TMBIM6: variants seen among roughly 807,000 people sequenced by gnomAD.
The protein encoded by TMBIM6 is transmembrane BAX inhibitor motif containing 6.
In TMBIM6, 13 loss-of-function variants were observed where a neutral mutation model predicts 31.4. The observed-to-expected ratio is 0.41, with a 90% CI of 0.27 to 0.66. The LOEUF (loss-of-function observed/expected upper bound fraction) is 0.66, where lower values mean the gene tolerates loss of function less well. TMBIM6 is among the 30% of genes least tolerant of loss of function. The pLI is 0.28. For missense variants in TMBIM6, 275 were observed against 289.5 expected (o/e 0.95, Z 0.36); for synonymous variants, 85 against 101.7 (o/e 0.84, Z 0.99).
At chr12:49,758,090 G>T in intron 4 of TMBIM6, 137 bp from the exon 5 acceptor site, 1 of 900,402 alleles carries the variant, frequency 1.1e-6, no homozygotes, top group South Asian at 1.5e-5. Flanking sequence ...AATTACAGCG[G>T]AGGGGAGAGA....
At chr12:49,762,465 A>G (rs1204224300) in intron 9 of TMBIM6, among the ~76,000 whole-genome samples, 2 of 152,242 alleles carry the variant, frequency 1.3e-5, no homozygotes, top group African/African-American at 4.8e-5. Context: ...TGCCAGAGTC[A>G]TGCTCACTTT....
At chr12:49,762,071 T>G (rs1945730377) in intron 9 of TMBIM6, 1 of 351,352 alleles carries the variant, frequency 2.8e-6, no homozygotes, top group Non-Finnish European at 5.2e-6. Flanking sequence ...TAGTTGTGAC[T>G]CAGAGAAAGG....
intron 8 of TMBIM6, among the ~76,000 whole-genome samples, chr12:49,761,039 A>G (rs1229811180): frequency 1.3e-5 from 2 of 151,148 alleles, no homozygotes; most frequent in African/African-American, 2.4e-5. Flanking sequence ...GGGTTTCTCC[A>G]TGTTGGTCAG....
chr12:49,754,739 C>G (rs956593254), intron 3 of TMBIM6, among the ~76,000 whole-genome samples: 1 of 152,198 alleles, frequency 6.6e-6, no homozygotes, highest in Non-Finnish European at 1.5e-5. Context: ...GTTTTTCCCA[C>G]TTGGCGTTTT....
intron 1 of TMBIM6, among the ~76,000 whole-genome samples, chr12:49,745,009 G>A (rs1945363720): frequency 6.7e-6 from 1 of 148,476 alleles, no homozygotes; most frequent in African/African-American, 2.6e-5. Flanking sequence ...TGGTTTTGAG[G>A]CAGCCCCCTG....
In TMBIM6 at chr12:49,759,334, A is replaced by G. The variant is rs759380430; in HGVS notation, c.614+13A>G. The G allele has an allele frequency of 2.5e-6, 4 of 1,603,052 alleles. No homozygotes were observed. The highest frequency in any genetic ancestry group is 2.2e-5 in the East Asian group (1 of 44,824). ...AAGATTATATCTGGTGAGTGTGGGAACTAGTCTTTAACAAGCATGAAGGTT... is the reference window on the plus strand; with the variant it reads ...AAGATTATATCTGGTGAGTGTGGGAGCTAGTCTTTAACAAGCATGAAGGTT... On this transcript the variant is annotated intron_variant, in intron 8 of 9. Coordinates refer to ENST00000267115, the MANE Select transcript of TMBIM6 (RefSeq NM_003217.3).
In TMBIM6 at chr12:49,761,793, C is replaced by T. The variant is rs769466022; in HGVS notation, c.690+14C>T. On this transcript the variant is annotated intron_variant, in intron 9 of 9. Coordinates refer to ENST00000267115, the MANE Select transcript of TMBIM6 (RefSeq NM_003217.3). ...ATGAATGAAAAGGTTAGTTAGCCTA[C>T]AACCCAAAGATGAGACAATAATGGC... 6.2e-7 allele frequency: 1 copy of T among 1,613,398 alleles called. No homozygotes were observed. Among genetic ancestry groups the T allele is most frequent in the South Asian group, 1.1e-5 (1 of 91,054 alleles).
intron 8 of TMBIM6, among the ~76,000 whole-genome samples, chr12:49,760,285 C>T (rs544991663): frequency 6.6e-6 from 1 of 152,204 alleles, no homozygotes; most frequent in South Asian, 2.1e-4. Flanking sequence ...GGGTCTCGCT[C>T]TGTTGCCTAG....
chr12:49,759,805 C>CAAA (rs57668484), intron 8 of TMBIM6, among the ~76,000 whole-genome samples: 2 of 91,654 alleles, frequency 2.2e-5, no homozygotes. Context: ...GACCCTGTCT[C>CAAA]AAAAAAAAAA....
At chr12:49,743,769 C>T (rs527861895) in intron 1 of TMBIM6, among the ~76,000 whole-genome samples, 4 of 152,216 alleles carry the variant, frequency 2.6e-5, no homozygotes, top group African/African-American at 7.2e-5. Context: ...GCTTATTTTT[C>T]TACTGTAGGA....
chr12:49,744,169 A>G (rs1181572020), intron 1 of TMBIM6, among the ~76,000 whole-genome samples: 1 of 152,218 alleles, frequency 6.6e-6, no homozygotes, highest in Non-Finnish European at 1.5e-5. Context: ...TGATACATAT[A>G]TAAAAGCACC....
At chr12:49,746,077 T>A (rs1169157493) in intron 1 of TMBIM6, among the ~76,000 whole-genome samples, 2 of 150,980 alleles carry the variant, frequency 1.3e-5, no homozygotes, top group Non-Finnish European at 2.9e-5. Context: ...TTTTCTTTTC[T>A]CTCTTTTTTT....
In TMBIM6 at chr12:49,752,446, CCTTT is replaced by C. The variant is rs764582170; in HGVS notation, c.-30-13_-30-10del. 5.7e-6 allele frequency: 9 copies of C among 1,577,784 alleles called. No individual in the cohort carries two copies. In the African/African-American group the frequency reaches 6.8e-5, roughly 12 times the overall value. On this transcript the variant is annotated splice_polypyrimidine_tract_variant and intron_variant, in intron 1 of 9. Coordinates refer to ENST00000267115, the MANE Select transcript of TMBIM6 (RefSeq NM_003217.3). ...ATTCTGTATGACTTAATGACTCTAA[CCTTT>C]CTTTATTCTGCAGAGTGGAGACTGC...
chr12:49,755,528 CA>C, intron 3 of TMBIM6, 106 bp from the exon 4 acceptor site: 1 of 1,410,236 alleles, frequency 7.1e-7, no homozygotes, highest in South Asian at 1.3e-5. Context: ...AGGTTATAAG[CA>C]AATGTTAGGA....
At chr12:49,762,502 A>G (rs1372700467) in intron 9 of TMBIM6, among the ~76,000 whole-genome samples, 2 of 152,254 alleles carry the variant, frequency 1.3e-5, no homozygotes, top group African/African-American at 2.4e-5. Flanking sequence ...CTCGCGCCTA[A>G]TGGTTGGTTG....
intron 1 of TMBIM6, among the ~76,000 whole-genome samples, chr12:49,743,967 A>C (rs182738664): frequency 9.2e-5 from 14 of 152,362 alleles, no homozygotes; most frequent in Admixed American, 8.5e-4. Flanking sequence ...TCGTTATCTT[A>C]CAGATGAGGA....
At chr12:49,757,701 A>G (rs1242936021) in intron 4 of TMBIM6, among the ~76,000 whole-genome samples, 2 of 152,244 alleles carry the variant, frequency 1.3e-5, no homozygotes, top group African/African-American at 4.8e-5. Flanking sequence ...TGGAATTATC[A>G]GAAGGAAAGA....
At chr12:49,743,760 C>G (rs1424510962) in intron 1 of TMBIM6, among the ~76,000 whole-genome samples, 4 of 152,056 alleles carry the variant, frequency 2.6e-5, no homozygotes, top group African/African-American at 4.8e-5. Flanking sequence ...TAAATGAAAG[C>G]TTATTTTTCT....
At chr12:49,758,809 C>A in intron 7 of TMBIM6, 47 bp downstream of exon 7, 173 of 1,285,250 alleles carry the variant, frequency 1.3e-4, no homozygotes, top group Non-Finnish European at 1.7e-4. Flanking sequence ...CCTCACACTT[C>A]TTTCTTTCCT....
Sources: gnomAD v4.1 joint callset for allele counts (sites outside exome capture counted in the v4.1 genomes callset) on GRCh38, gnomAD v4.1.1 for gene constraint, MANE v1.5 for transcripts, NCBI Gene and HGNC (gene_info 2026-07-23, HGNC 2026-07-21) for gene names.